CCDC33: variants seen among roughly 807,000 people sequenced by gnomAD.
CCDC33 encodes the protein coiled-coil domain containing 33.
In CCDC33, 94 loss-of-function variants were observed where a neutral mutation model predicts 91.9. That is an observed-to-expected ratio of 1.02 (90% CI 0.87 to 1.21). The LOEUF (loss-of-function observed/expected upper bound fraction) is 1.21. CCDC33 is among the 50% of genes most tolerant of loss of function. The pLI is 0.00. For missense variants in CCDC33, 940 were observed against 935.5 expected, an observed-to-expected ratio of 1.00 and a Z score of -0.06; for synonymous variants, 396 against 374.5, an observed-to-expected ratio of 1.06 and a Z score of -0.66.
intron 15 of CCDC33, 46 bp from the exon 16 acceptor site, chr15:74,332,633 G>GA: frequency 2.5e-6 from 4 of 1,600,852 alleles, no homozygotes; most frequent in Non-Finnish European, 3.4e-6. Context: ...AGGGACATGG[G>GA]AAGCAGGAGA....
At chr15:74,229,048 C>G (rs1038003706) in intron 2 of CCDC33, among the ~76,000 whole-genome samples, 2 of 152,268 alleles carry the variant, frequency 1.3e-5, no homozygotes, top group South Asian at 4.1e-4. Flanking sequence ...ACCCTGAGGC[C>G]CTGTCCAGTG....
chr15:74,226,841 AAAG>A (rs1208951127), intron 2 of CCDC33, among the ~76,000 whole-genome samples: 1 of 151,928 alleles, frequency 6.6e-6, no homozygotes, highest in Non-Finnish European at 1.5e-5. Flanking sequence ...AAAAAAAAAA[AAAG>A]GTGGAGGACA....
intron 2 of CCDC33, among the ~76,000 whole-genome samples, chr15:74,220,101 C>T (rs2074551145): frequency 6.6e-6 from 1 of 152,092 alleles, no homozygotes; most frequent in South Asian, 2.1e-4. Context: ...CAGTGGGGAA[C>T]ACCAGAGGGG....
intron 11 of CCDC33, among the ~76,000 whole-genome samples, chr15:74,317,323 T>C (rs182485855): frequency 6.6e-6 from 1 of 152,154 alleles, no homozygotes; most frequent in Non-Finnish European, 1.5e-5. Flanking sequence ...ATCGCGCCAC[T>C]GTACTCCAGC....
chr15:74,218,873 C>G lies in CCDC33; in HGVS notation c.675+12C>G. Reference sequence around the variant, plus strand: ...TCCCCATACTGCAGGTGGGTGCTTCCCTGGTCCCAGTTCAGGTTCTGGGCT... The same window carrying G: ...TCCCCATACTGCAGGTGGGTGCTTCGCTGGTCCCAGTTCAGGTTCTGGGCT... On this transcript the variant is annotated intron_variant, in intron 2 of 2. Transcript: ENST00000635913. The surrounding 1 kb of genome is among the most constrained non-coding windows in gnomAD (Gnocchi z 4.8). 8.2e-7 allele frequency: 1 copy of G among 1,215,496 alleles called. No individual in the cohort carries two copies. 75.3% of individuals were successfully genotyped at this position (1,215,496 alleles called of 1,614,324 possible).
chr15:74,299,699 A>T (rs930415444), intron 11 of CCDC33: 2 of 152,298 alleles, frequency 1.3e-5, no homozygotes, highest in Admixed American at 1.3e-4. Context: ...CCAGAGACTC[A>T]TAGAGTATCC....
At chr15:74,311,525 C>T (rs1172000855) in intron 11 of CCDC33, 1 of 152,164 alleles carries the variant, frequency 6.6e-6, no homozygotes, top group Non-Finnish European at 1.5e-5. Flanking sequence ...TGGAGTTATT[C>T]TGGGTTTATT....
intron 11 of CCDC33, among the ~76,000 whole-genome samples, chr15:74,315,630 G>A (rs765456581): frequency 2.0e-5 from 3 of 152,240 alleles, no homozygotes; most frequent in African/African-American, 7.2e-5. Context: ...AGGAAGCCAA[G>A]AAGAGTAGGA....
rs778276955 is a variant in CCDC33 at position 74,333,891 on chromosome 15, C to G, written c.1949C>G (p.Ser650Cys). The G allele has an allele frequency of 1.5e-5, 25 of 1,613,258 alleles. No individual in the cohort carries two copies. The African/African-American group carries it at 3.2e-4, about 21-fold the overall frequency. The change falls in exon 17 of 19, where the codon TCT becomes TGT. Residue 650 changes from serine (S) to cysteine (C), a missense_variant. Physicochemically the swap from Ser to Cys is moderately radical, Grantham distance 112. Coordinates refer to ENST00000398814, the MANE Select transcript of CCDC33 (RefSeq NM_025055.5). ...GTGCTTTGCCCACAGGATCTCCTCT[C>G]TGGTACTTCAGACAAGTTCAACCTC... is the stretch of plus-strand genomic sequence containing the variant. ...LQQQALPDLL[S>C]GTSDKFNLLA...
intron 1 of CCDC33, among the ~76,000 whole-genome samples, chr15:74,208,589 G>T (rs911156360): frequency 2.6e-5 from 4 of 152,114 alleles, no homozygotes; most frequent in African/African-American, 9.7e-5. Flanking sequence ...GCCTTTTGGA[G>T]CTCCTGCTAG....
chr15:74,295,368 G>C (rs540320578), intron 10 of CCDC33, among the ~76,000 whole-genome samples: 1 of 152,186 alleles, frequency 6.6e-6, no homozygotes, highest in Non-Finnish European at 1.5e-5. Flanking sequence ...AATGAATAGA[G>C]AGTATATTGG....
intron 7 of CCDC33, among the ~76,000 whole-genome samples, chr15:74,275,947 GC>G (rs2076438218): frequency 6.6e-6 from 1 of 152,202 alleles, no homozygotes; most frequent in Admixed American, 6.5e-5. Flanking sequence ...GGAATTACAG[GC>G]CTGAGGCACC....
intron 2 of CCDC33, among the ~76,000 whole-genome samples, chr15:74,220,634 G>T (rs78692188): frequency 6.6e-6 from 1 of 152,314 alleles, no homozygotes; most frequent in East Asian, 1.9e-4. Flanking sequence ...TGGCTGAGTC[G>T]AACTCGGCAG....
At chr15:74,248,172 G>T (rs972583682) in intron 2 of CCDC33, among the ~76,000 whole-genome samples, 1 of 152,110 alleles carries the variant, frequency 6.6e-6, no homozygotes, top group African/African-American at 2.4e-5. Context: ...TGAGGTGATA[G>T]ATGTGTTAAC....
chr15:74,238,854 G>T (rs1225980523), intron 1 of CCDC33, among the ~76,000 whole-genome samples: 2 of 152,152 alleles, frequency 1.3e-5, no homozygotes, highest in African/African-American at 4.8e-5. Flanking sequence ...GCAAGAGTGT[G>T]GGGTCAGACA....
At chr15:74,332,579 G>A (rs2060461721) in intron 15 of CCDC33, 100 bp from the exon 16 acceptor site, 1 of 1,269,692 alleles carries the variant, frequency 7.9e-7, no homozygotes, top group East Asian at 2.3e-5. Context: ...GGAGTAGAGG[G>A]GAGGGGTGGC....
upstream of CCDC33, chr15:74,213,044 G>A (rs932047251): frequency 6.6e-6 from 1 of 152,024 alleles, no homozygotes; most frequent in Non-Finnish European, 1.5e-5. Context: ...ATGAAACCCC[G>A]TCTCTATTAA....
chr15:74,262,595 C>T, intron 3 of CCDC33, 22 bp downstream of exon 3: 1 of 1,605,070 alleles, frequency 6.2e-7, no homozygotes, highest in Non-Finnish European at 8.5e-7. Context: ...CTGGGCAGGG[C>T]CGGCATGTGC....
At chr15:74,268,498 G>A (rs1327310530) in intron 5 of CCDC33, 40 bp downstream of exon 5, 5 of 1,429,370 alleles carry the variant, frequency 3.5e-6, no homozygotes, top group South Asian at 1.2e-5. Flanking sequence ...GGTGGGGGTG[G>A]GAAAGGGCCA....
Sources: allele counts gnomAD v4.1 joint callset (sites outside exome capture counted in the v4.1 genomes callset), GRCh38; gene constraint gnomAD v4.1.1; non-coding constraint Gnocchi (gnomAD v3.1); transcripts MANE v1.5; gene names NCBI Gene and HGNC (gene_info 2026-07-23, HGNC 2026-07-21).